NPHP4: variants seen among roughly 807,000 people sequenced by gnomAD.
NPHP4 encodes the protein nephrocystin 4.
A neutral mutation model predicts 155.8 loss-of-function variants in NPHP4; 151 were observed. The observed-to-expected ratio is 0.97, with a 90% CI of 0.85 to 1.11. NPHP4 has a LOEUF of 1.11. Among genes scored for constraint, NPHP4 ranks in the 50% least tolerant of loss-of-function variants. The pLI, the probability that NPHP4 is intolerant of heterozygous loss-of-function variation, is 0.00. For missense variants in NPHP4, 1,956 were observed against 1,925.7 expected (o/e 1.02, Z -0.29); for synonymous variants, 845 against 816.8 (o/e 1.03, Z -0.59).
chr1:5,974,139 C>T (rs116633663), intron 3 of NPHP4, among the ~76,000 whole-genome samples: 162 of 152,346 alleles, frequency 1.1e-3, no homozygotes, highest in African/African-American at 3.8e-3. Flanking sequence ...AATTATAGCA[C>T]GCTCATTGCT....
chr1:5,908,166 C>G (rs1645005921), intron 12 of NPHP4, among the ~76,000 whole-genome samples: 1 of 152,222 alleles, frequency 6.6e-6, no homozygotes, highest in Non-Finnish European at 1.5e-5. Flanking sequence ...CTTCAGGGAG[C>G]AGAGGAGATC....
rs1283173642 is a variant in NPHP4 at position 5,961,839 on chromosome 1, C to G, written c.628G>C (p.Gly210Arg). The change falls in exon 6 of 30, where the codon GGT becomes CGT. Residue 210 changes from glycine (G) to arginine (R), a missense_variant. Physicochemically the swap from Gly to Arg is moderately radical, Grantham distance 125. Transcript: ENST00000378156. Reference sequence around the variant, plus strand: ...AGCAGGCCAGGTATCTGCTGCAGACCAGACACCAGAAGGTTCTCAGGAAGA... The same window carrying G: ...AGCAGGCCAGGTATCTGCTGCAGACGAGACACCAGAAGGTTCTCAGGAAGA... Reference protein sequence around the residue: ...HLLPENLLVSGLQQIPGLLPA... With the variant: ...HLLPENLLVSRLQQIPGLLPA... 2 of 1,613,506 alleles carry G rather than the reference C, an allele frequency of 1.2e-6. No individual in the cohort carries two copies. The highest frequency in any genetic ancestry group is 1.3e-5 in the African/African-American group (1 of 74,930).
intron 2 of NPHP4, among the ~76,000 whole-genome samples, chr1:5,978,709 T>C (rs768412405): frequency 8.5e-5 from 13 of 152,124 alleles, no homozygotes; most frequent in Non-Finnish European, 1.5e-4. Context: ...CACATGCGCC[T>C]GCCAGGATGA....
chr1:5,881,790 C>T (rs1465061300), intron 18 of NPHP4: 2 of 152,260 alleles, frequency 1.3e-5, no homozygotes, highest in Non-Finnish European at 2.9e-5. Flanking sequence ...GATCTCAGTC[C>T]AAGCCAGGCT....
intron 6 of NPHP4, among the ~76,000 whole-genome samples, chr1:5,958,598 G>A (rs1298472511): frequency 1.3e-5 from 2 of 152,150 alleles, no homozygotes; most frequent in East Asian, 1.9e-4. Flanking sequence ...GGGAGGCTGA[G>A]GGAGGAGGAT....
At chr1:5,912,255 T>C (rs959673566) in intron 11 of NPHP4, among the ~76,000 whole-genome samples, 5 of 152,082 alleles carry the variant, frequency 3.3e-5, no homozygotes, top group Non-Finnish European at 7.4e-5. Context: ...AAAGTGACGA[T>C]AGGCCGGGCA....
intron 19 of NPHP4, chr1:5,879,479 T>C (rs1298809382): frequency 5.8e-6 from 3 of 517,270 alleles, no homozygotes; most frequent in Admixed American, 1.9e-5. Flanking sequence ...GTTCACAACA[T>C]AGGGTACTTC....
intron 26 of NPHP4, 95 bp from the exon 27 acceptor site, chr1:5,865,368 G>C: frequency 8.5e-7 from 1 of 1,181,248 alleles, no homozygotes; most frequent in Admixed American, 2.6e-5. Flanking sequence ...TGGGCAGACA[G>C]GAGGCTGTGC....
intron 10 of NPHP4, among the ~76,000 whole-genome samples, chr1:5,932,936 G>A (rs1054390329): frequency 6.6e-6 from 1 of 152,120 alleles, no homozygotes; most frequent in African/African-American, 2.4e-5. Context: ...CAGGAAATCA[G>A]TATGTGAACA....
At position 5,905,525 on chromosome 1, in the gene NPHP4, G is replaced by C. The variant is rs1209146711; in HGVS notation, c.1764-42C>G. The C allele has an allele frequency of 6.3e-7, 1 of 1,597,404 alleles. No individual in the cohort carries two copies. The highest frequency in any genetic ancestry group is 1.7e-5 in the Admixed American group (1 of 59,246). ...CCTCAGGTAGCCTCCCGGGAAAGGG[G>C]GGACCCATTGATGCACCTCCCTGTG... On this transcript the variant is annotated intron_variant, in intron 14 of 29. Transcript: ENST00000378156. The surrounding 1 kb of genome is among the most constrained non-coding windows in gnomAD (Gnocchi z 4.0).
At chr1:5,941,289 CAAAAAAAA>C (rs66676950) in intron 9 of NPHP4, among the ~76,000 whole-genome samples, 2 of 44,776 alleles carry the variant, frequency 4.5e-5, no homozygotes, top group African/African-American at 2.0e-4. Flanking sequence ...GAGATCTAGA[CAAAAAAAA>C]AAAAAAAAAA....
At chr1:5,899,633 T>C (rs757228685) in intron 16 of NPHP4, among the ~76,000 whole-genome samples, 8 of 152,192 alleles carry the variant, frequency 5.3e-5, no homozygotes, top group Non-Finnish European at 1.0e-4. Context: ...ATCACAGACC[T>C]AAATGTAAAC....
intron 6 of NPHP4, among the ~76,000 whole-genome samples, chr1:5,958,928 G>A (rs927842616): frequency 7.0e-6 from 1 of 143,626 alleles, no homozygotes; most frequent in African/African-American, 2.6e-5. Flanking sequence ...AGTTTAAAAA[G>A]TAAAATAAAA....
chr1:5,986,436 C>A (rs1655503039), intron 1 of NPHP4, 109 bp from the exon 2 acceptor site: 1 of 876,104 alleles, frequency 1.1e-6, no homozygotes, highest in South Asian at 1.9e-5. Flanking sequence ...CTCCATCCCC[C>A]AAACCCACAC....
Position 5,890,719 on chromosome 1 carries a change from G to C in NPHP4, c.2304+149C>G, listed in dbSNP as rs578189707. On this transcript the variant is annotated intron_variant, in intron 17 of 29. Transcript: ENST00000378156. This position sits in a 1 kb window ranked among gnomAD's most constrained non-coding sequence, Gnocchi z 4.9. Reference sequence around the variant, plus strand: ...TTCCTTTCAAGAAACAGAGAATGCAGCACTATTTTTAACGAGTGAACAAAG... The same window carrying C: ...TTCCTTTCAAGAAACAGAGAATGCACCACTATTTTTAACGAGTGAACAAAG... 8.7e-5 allele frequency: 49 copies of C among 564,604 alleles called. No homozygotes were observed. The South Asian group carries it at 2.0e-3, about 24-fold the overall frequency. 35.0% of individuals were successfully genotyped at this position (564,604 alleles called of 1,614,324 possible). A position where few individuals can be genotyped will look rare whatever the true frequency, so the allele number is the denominator to read the frequency against.
At chr1:5,878,128 T>C (rs975551727) in intron 19 of NPHP4, among the ~76,000 whole-genome samples, 3 of 152,106 alleles carry the variant, frequency 2.0e-5, no homozygotes, top group African/African-American at 7.2e-5. Context: ...CCTTCCTCAC[T>C]CTCTGGCACC....
chr1:5,986,408 A>C, intron 1 of NPHP4, 81 bp from the exon 2 acceptor site: 1 of 1,156,664 alleles, frequency 8.6e-7, no homozygotes, highest in Non-Finnish European at 1.2e-6. Flanking sequence ...TCTGCCTCCC[A>C]CTAAATCCCA....
At chr1:5,964,338 A>G (rs1307137109) in intron 5 of NPHP4, among the ~76,000 whole-genome samples, 1 of 152,130 alleles carries the variant, frequency 6.6e-6, no homozygotes, top group Non-Finnish European at 1.5e-5. Flanking sequence ...CAGCTGCTTT[A>G]AAGGAACCAG....
intron 9 of NPHP4, among the ~76,000 whole-genome samples, chr1:5,946,072 A>G (rs1259051654): frequency 6.6e-6 from 1 of 152,202 alleles, no homozygotes; most frequent in Non-Finnish European, 1.5e-5. Flanking sequence ...TACCGTACCT[A>G]ATTTATAAAC....
Sources: gnomAD v4.1 joint callset for allele counts (sites outside exome capture counted in the v4.1 genomes callset) on GRCh38, gnomAD v4.1.1 for gene constraint, Gnocchi (gnomAD v3.1) non-coding constraint, MANE v1.5 for transcripts, NCBI Gene and HGNC (gene_info 2026-07-23, HGNC 2026-07-21) for gene names.